PDS5A: variants seen among roughly 807,000 people sequenced by gnomAD.
The protein encoded by PDS5A is sister chromatid cohesion protein PDS5 homolog A.
In PDS5A, 42 loss-of-function variants were observed where a neutral mutation model predicts 167.1. The ratio of observed to expected loss-of-function variants is 0.25; its 90% CI spans 0.20 to 0.33. PDS5A has a LOEUF of 0.33. PDS5A is among the 10% of genes least tolerant of loss of function. PDS5A has a pLI of 1.00. For missense variants in PDS5A, 1,033 were observed against 1,605.9 expected, an observed-to-expected ratio of 0.64 and a Z score of 6.10; for synonymous variants, 553 against 554.6, an observed-to-expected ratio of 1.00 and a Z score of 0.04.
At chr4:39,844,947 T>C (rs1286701034) in intron 29 of PDS5A, 146 bp from the exon 30 acceptor site, 2 of 875,148 alleles carry the variant, frequency 2.3e-6, no homozygotes, top group Non-Finnish European at 3.3e-6. Flanking sequence ...CCAGGCATAC[T>C]GGCTCCTGAC....
chr4:39,824,054 G>A lies in PDS5A; in HGVS notation c.*1431C>T, dbSNP rs1715064943. 6.6e-6 allele frequency: 1 copy of A among 152,190 alleles called. No individual in the cohort carries two copies. The highest frequency in any genetic ancestry group is 2.1e-4 in the South Asian group (1 of 4,836). The allele number at this position is 152,190 out of a possible 1,614,324, so 9.4% of individuals were successfully genotyped here. A position where few individuals can be genotyped will look rare whatever the true frequency, so the allele number is the denominator to read the frequency against. On this transcript the variant is annotated 3_prime_UTR_variant, in exon 33 of 33. Coordinates refer to ENST00000303538, the MANE Select transcript of PDS5A (RefSeq NM_001100399.2). ...TAAGGAAATGGAGTGAGCACATTCTGCTAGGGCTTTGCGGATGACCCTACA... is the reference window on the plus strand; with the variant it reads ...TAAGGAAATGGAGTGAGCACATTCTACTAGGGCTTTGCGGATGACCCTACA...
intron 16 of PDS5A, among the ~76,000 whole-genome samples, chr4:39,893,281 T>C (rs1376858020): frequency 1.3e-5 from 2 of 152,266 alleles, no homozygotes. Flanking sequence ...TAAATCTATA[T>C]ATCACATTTC....
At chr4:39,865,729 G>C (rs1439862038) in intron 23 of PDS5A, among the ~76,000 whole-genome samples, 1 of 152,198 alleles carries the variant, frequency 6.6e-6, no homozygotes, top group Non-Finnish European at 1.5e-5. Context: ...GTTTCAACAT[G>C]ACCTCAATTG....
chr4:39,891,719 T>C (rs960118439), intron 16 of PDS5A, among the ~76,000 whole-genome samples: 20 of 152,106 alleles, frequency 1.3e-4, no homozygotes, highest in African/African-American at 4.1e-4. Flanking sequence ...TGGAAGAACA[T>C]AGGTGGAGGA....
intron 5 of PDS5A, among the ~76,000 whole-genome samples, chr4:39,924,980 C>T (rs1208912307): frequency 1.3e-5 from 2 of 152,018 alleles, no homozygotes. Context: ...GGTGTGGTGG[C>T]ACACACCTGT....
intron 16 of PDS5A, among the ~76,000 whole-genome samples, chr4:39,893,304 C>G (rs1722127919): frequency 6.6e-6 from 1 of 152,158 alleles, no homozygotes; most frequent in African/African-American, 2.4e-5. Flanking sequence ...TTCCACTGCT[C>G]ACTCTCATTC....
intron 21 of PDS5A, 24 bp from the exon 22 acceptor site, chr4:39,869,486 G>A (rs781595801): frequency 3.4e-5 from 49 of 1,449,290 alleles, no homozygotes; most frequent in Non-Finnish European, 4.3e-5. Context: ...AATAAATTTA[G>A]CTATTAGCAT....
intron 2 of PDS5A, among the ~76,000 whole-genome samples, chr4:39,967,908 C>T (rs1183159655): frequency 2.6e-5 from 4 of 152,002 alleles, no homozygotes; most frequent in African/African-American, 4.8e-5. Flanking sequence ...GACCGAGAGA[C>T]TCCATCTTAA....
intron 10 of PDS5A, 130 bp downstream of exon 10, chr4:39,910,114 G>A (rs1361102568): frequency 1.4e-5 from 7 of 514,866 alleles, no homozygotes; most frequent in Non-Finnish European, 2.4e-5. Context: ...ATTTCTTAGT[G>A]CACAACAAAT....
chr4:39,880,197 CA>C (rs1156459730), intron 17 of PDS5A, among the ~76,000 whole-genome samples: 1 of 151,832 alleles, frequency 6.6e-6, no homozygotes, highest in African/African-American at 2.4e-5. Context: ...ACAACTGACT[CA>C]AAAAAATACA....
intron 2 of PDS5A, among the ~76,000 whole-genome samples, chr4:39,960,324 C>A (rs753459096): frequency 2.6e-5 from 4 of 151,990 alleles, no homozygotes; most frequent in Non-Finnish European, 5.9e-5. Context: ...ATGGAAGTTA[C>A]CAACTTTTAA....
chr4:39,834,993 T>C (rs1483852290), intron 32 of PDS5A, among the ~76,000 whole-genome samples: 2 of 152,184 alleles, frequency 1.3e-5, no homozygotes, highest in African/African-American at 4.8e-5. Context: ...ATTTTTGAGA[T>C]GGAGTCTCAC....
intron 30 of PDS5A, among the ~76,000 whole-genome samples, chr4:39,842,687 C>T (rs574411964): frequency 6.6e-6 from 1 of 151,644 alleles, no homozygotes; most frequent in South Asian, 2.1e-4. Context: ...ATCCTAATTA[C>T]CCTGATTTGA....
rs59869303 is a variant in PDS5A at position 39,949,821 on chromosome 4, G to GAAAAA, written c.139-21662_139-21658dup. On this transcript the variant is annotated intron_variant, in intron 2 of 32. Coordinates refer to ENST00000303538, the MANE Select transcript of PDS5A (RefSeq NM_001100399.2). ...GGCGACAGAATAAGACTCTGTCTCA[G>GAAAAA]AAAAAAAAAAAAAAGAAAAACACCA... Among the ~76,000 whole-genome samples the GAAAAA allele has an allele frequency of 2.8e-4, 19 of 67,204 alleles. 2 individuals carry two copies. Among genetic ancestry groups the GAAAAA allele is most frequent in the Admixed American group, 7.2e-4 (3 of 4,168 alleles). The allele number at this position is 67,204 out of a possible 152,430, so 44.1% of individuals were successfully genotyped here.
chr4:39,909,207 C>A (rs1326610448), intron 10 of PDS5A, among the ~76,000 whole-genome samples: 1 of 151,618 alleles, frequency 6.6e-6, no homozygotes, highest in Non-Finnish European at 1.5e-5. Context: ...TGCACTGCAA[C>A]CTCCGCCGCC....
chr4:39,826,184 GTTT>G (rs34109809), intron 32 of PDS5A, among the ~76,000 whole-genome samples: 40 of 142,852 alleles, frequency 2.8e-4, no homozygotes, highest in Non-Finnish European at 3.7e-4. Flanking sequence ...AAACTGGCGT[GTTT>G]TTTTTTTTTT....
intron 2 of PDS5A, 134 bp from the exon 3 acceptor site, chr4:39,928,298 A>G (rs1469250318): frequency 5.1e-6 from 3 of 593,836 alleles, no homozygotes; most frequent in Non-Finnish European, 5.9e-6. Context: ...TCAACTTTTT[A>G]TAAATCTTCA....
intron 7 of PDS5A, among the ~76,000 whole-genome samples, chr4:39,920,059 T>C (rs572853375): frequency 6.6e-6 from 1 of 152,120 alleles, no homozygotes; most frequent in South Asian, 2.1e-4. Context: ...GAGATCAGCA[T>C]ATCTGGGAGA....
chr4:39,905,267 T>C (rs991613351), intron 11 of PDS5A, among the ~76,000 whole-genome samples: 1 of 150,704 alleles, frequency 6.6e-6, no homozygotes, highest in Non-Finnish European at 1.5e-5. Flanking sequence ...CAGTTAAAAA[T>C]CTGACCAAGG....
Sources: gnomAD v4.1 joint callset for allele counts (sites outside exome capture counted in the v4.1 genomes callset) on GRCh38, gnomAD v4.1.1 for gene constraint, MANE v1.5 for transcripts, NCBI Gene and HGNC (gene_info 2026-07-23, HGNC 2026-07-21) for gene names.